CISD1: variants seen among roughly 807,000 people sequenced by gnomAD.
CISD1 encodes CDGSH iron sulfur domain 1, also known as CDGSH iron-sulfur domain-containing protein 1.
A neutral mutation model predicts 12.0 loss-of-function variants in CISD1; 8 were observed. The ratio of observed to expected loss-of-function variants is 0.67; its 90% CI spans 0.39 to 1.20. The LOEUF (loss-of-function observed/expected upper bound fraction) is 1.20, where lower values mean the gene tolerates loss of function less well. Among genes scored for constraint, CISD1 ranks in the 50% most tolerant of loss-of-function variants. The probability of loss-of-function intolerance (pLI) is 0.01; values close to 1 mark genes in which losing one functional copy is unlikely to be tolerated. For missense variants in CISD1, 107 were observed against 132.7 expected (o/e 0.81, Z 0.95); for synonymous variants, 38 against 42.2 (o/e 0.90, Z 0.39).
chr10:58,287,845 A>AC lies in CISD1; in HGVS notation c.*195_*196insC. Reference sequence around the variant, plus strand: ...CATTTGTTTAAACAAAAAAAAAAAAAAAAAGGAAAAACCAACCTGCATGGC... The same window carrying AC: ...CATTTGTTTAAACAAAAAAAAAAAAACAAAAGGAAAAACCAACCTGCATGGC... On this transcript the variant is annotated 3_prime_UTR_variant, in exon 3 of 3. Transcript: ENST00000333926. 1 of 233,300 alleles carries AC rather than the reference A, an allele frequency of 4.3e-6. No homozygotes were observed. Among genetic ancestry groups the AC allele is most frequent in the South Asian group, 1.2e-4 (1 of 8,646 alleles). The allele number at this position is 233,300 out of a possible 1,614,324, so 14.5% of individuals were successfully genotyped here.
chr10:58,274,259 T>C (rs1191456215), intron 1 of CISD1, among the ~76,000 whole-genome samples: 1 of 152,154 alleles, frequency 6.6e-6, no homozygotes, highest in African/African-American at 2.4e-5. Context: ...TATTTTTATT[T>C]GTTCAATTTC....
chr10:58,270,628 G>T (rs980982409), intron 1 of CISD1, among the ~76,000 whole-genome samples: 1 of 152,158 alleles, frequency 6.6e-6, no homozygotes, highest in Non-Finnish European at 1.5e-5. Context: ...CTCTATTTAG[G>T]TTGCATATTA....
chr10:58,273,927 A>G (rs1217219194), intron 1 of CISD1, among the ~76,000 whole-genome samples: 1 of 152,206 alleles, frequency 6.6e-6, no homozygotes, highest in South Asian at 2.1e-4. Context: ...TGAGGTCAGG[A>G]GTTCAAGACC....
At chr10:58,278,068 A>T (rs1389837864) in intron 2 of CISD1, among the ~76,000 whole-genome samples, 1 of 152,178 alleles carries the variant, frequency 6.6e-6, no homozygotes, top group Non-Finnish European at 1.5e-5. Flanking sequence ...TCCCTTTTGG[A>T]GGTGTCATCT....
rs1839454825 is a variant in CISD1 at position 58,288,543 on chromosome 10, C to G, written c.*893C>G. 1 of 151,710 alleles carries G rather than the reference C, an allele frequency of 6.6e-6. No individual in the cohort carries two copies. Among genetic ancestry groups the G allele is most frequent in the South Asian group, 2.1e-4 (1 of 4,812 alleles). 9.4% of individuals were successfully genotyped at this position (151,710 alleles called of 1,614,324 possible). On this transcript the variant is annotated 3_prime_UTR_variant, in exon 3 of 3. Transcript: ENST00000333926. ...TGGGAAGATTTTTTTTTTTCCCACT[C>G]TAGCTAATCAAGCACATGGCTTTTA...
chr10:58,269,404 G>T, intron 1 of CISD1, 100 bp downstream of exon 1: 1 of 1,105,738 alleles, frequency 9.0e-7, no homozygotes, highest in South Asian at 1.4e-5. Flanking sequence ...CGCGCCCGCC[G>T]GTCCTATAAC....
At position 58,269,271 on chromosome 10, in the gene CISD1, G is replaced by C; in HGVS notation, c.-3G>C. 6.2e-7 allele frequency: 1 copy of C among 1,608,672 alleles called. No individual in the cohort carries two copies. Among genetic ancestry groups the C allele is most frequent in the Non-Finnish European group, 8.5e-7 (1 of 1,179,728 alleles). ...GTGCACACGCCTTGCAAGCGACGGC[G>C]CCATGAGTCTGACTTCCAGTTCCAG... On this transcript the variant is annotated 5_prime_UTR_variant, in exon 1 of 3. Coordinates refer to ENST00000333926, the MANE Select transcript of CISD1 (RefSeq NM_018464.5).
intron 2 of CISD1, among the ~76,000 whole-genome samples, chr10:58,281,906 T>C (rs1376162942): frequency 6.6e-6 from 1 of 152,078 alleles, no homozygotes; most frequent in Non-Finnish European, 1.5e-5. Context: ...TTTTGTCCAG[T>C]GCTTCTCTTG....
At chr10:58,276,916 T>C (rs1839321095) in intron 1 of CISD1, among the ~76,000 whole-genome samples, 1 of 152,104 alleles carries the variant, frequency 6.6e-6, no homozygotes, top group Non-Finnish European at 1.5e-5. Flanking sequence ...CAGTAGAAAA[T>C]ACACAATTGC....
At chr10:58,269,409 TATAA>T in intron 1 of CISD1, 105 bp downstream of exon 1, 2 of 1,060,530 alleles carry the variant, frequency 1.9e-6, no homozygotes, top group Non-Finnish European at 2.8e-6. Flanking sequence ...CCGCCGGTCC[TATAA>T]CCTTGAGATG....
rs1330557203 is a variant in CISD1 at position 58,289,103 on chromosome 10, T to C, written c.*1453T>C. The stretch of plus-strand genomic sequence containing the variant: ...TTTAAGTCACATATTCATCATAAAA[T>C]CTAAAATCCTACAAACTGATTCTAT... On this transcript the variant is annotated 3_prime_UTR_variant, in exon 3 of 3. Coordinates refer to ENST00000333926, the MANE Select transcript of CISD1 (RefSeq NM_018464.5). 6.6e-6 allele frequency: 1 copy of C among 152,246 alleles called. No individual in the cohort carries two copies. The highest frequency in any genetic ancestry group is 1.5e-5 in the Non-Finnish European group (1 of 67,936). 9.4% of individuals were successfully genotyped at this position (152,246 alleles called of 1,614,324 possible). A position where few individuals can be genotyped will look rare whatever the true frequency, so the allele number is the denominator to read the frequency against.
intron 2 of CISD1, among the ~76,000 whole-genome samples, chr10:58,277,790 T>C (rs1055365192): frequency 6.6e-6 from 1 of 152,124 alleles, no homozygotes; most frequent in Non-Finnish European, 1.5e-5. Context: ...CTCTTAGGAT[T>C]TCTTAGCTTC....
At chr10:58,280,850 A>T (rs1446732237) in intron 2 of CISD1, among the ~76,000 whole-genome samples, 1 of 152,238 alleles carries the variant, frequency 6.6e-6, no homozygotes, top group Non-Finnish European at 1.5e-5. Context: ...AGACAGCTAC[A>T]TGAATAGACA....
intron 1 of CISD1, among the ~76,000 whole-genome samples, chr10:58,272,644 T>C (rs142143643): frequency 0.061 from 9,217 of 152,150 alleles, 330 homozygotes; most frequent in African/African-American, 0.087. Context: ...GAGGGCTGGG[T>C]GCGGTGGCTC....
intron 1 of CISD1, among the ~76,000 whole-genome samples, chr10:58,275,320 A>G (rs140052423): frequency 0.027 from 4,073 of 152,318 alleles, 76 homozygotes; most frequent in Middle Eastern, 0.051. Context: ...TTTTCTCAAG[A>G]AAGTTCCATG....
chr10:58,278,430 A>G (rs1839338847), intron 2 of CISD1, among the ~76,000 whole-genome samples: 1 of 152,110 alleles, frequency 6.6e-6, no homozygotes, highest in Non-Finnish European at 1.5e-5. Flanking sequence ...AGGAAGCTGA[A>G]GCAGGAAGAT....
Position 58,288,822 on chromosome 10 carries a change from A to G in CISD1, c.*1172A>G, listed in dbSNP as rs948497835. 7 of 149,046 alleles carry G rather than the reference A, an allele frequency of 4.7e-5. No individual in the cohort carries two copies. The highest frequency in any genetic ancestry group is 1.5e-4 in the African/African-American group (6 of 41,350). 9.2% of individuals were successfully genotyped at this position (149,046 alleles called of 1,614,324 possible). ...AAATTTACAGAAAATTGGGCAAACA[A>G]TTGAAATTGATAAAGCAGGTAAACA... On this transcript the variant is annotated 3_prime_UTR_variant, in exon 3 of 3. Transcript: ENST00000333926.
chr10:58,273,410 G>T (rs1309000492), intron 1 of CISD1: 2 of 152,146 alleles, frequency 1.3e-5, no homozygotes, highest in East Asian at 3.9e-4. Context: ...CCTCATAGAA[G>T]AGGAGAAACA....
chr10:58,281,814 C>T (rs2590367), intron 2 of CISD1, among the ~76,000 whole-genome samples: 51,505 of 152,100 alleles, frequency 0.34, 10,970 homozygotes, highest in African/African-American at 0.61. Flanking sequence ...TCTGTAACAT[C>T]TTGAGCAGGT....
Sources: gnomAD v4.1 joint callset for allele counts (sites outside exome capture counted in the v4.1 genomes callset) on GRCh38, gnomAD v4.1.1 for gene constraint, MANE v1.5 for transcripts, NCBI Gene and HGNC (gene_info 2026-07-23, HGNC 2026-07-21) for gene names.